The following FAT4 variants were observed in gnomAD, a reference collection of about 807,000 sequenced individuals.
FAT4 encodes protocadherin Fat 4.
Under a neutral mutation model 303.9 loss-of-function variants are expected in FAT4, and 84 were observed. The observed-to-expected ratio is 0.28, with a 90% CI of 0.23 to 0.33. The LOEUF is 0.33. Among genes scored for constraint, FAT4 ranks in the 10% least tolerant of loss-of-function variants. The pLI is 1.00. For synonymous variants in FAT4, 2,307 were observed against 2,298.8 expected, an observed-to-expected ratio of 1.00 and a Z score of -0.10; for missense variants, 6,005 against 6,146.8, an observed-to-expected ratio of 0.98 and a Z score of 0.77.
intron 7 of FAT4, among the ~76,000 whole-genome samples, chr4:125,428,659 T>C (rs1725180996): frequency 6.6e-6 from 1 of 152,214 alleles, no homozygotes; most frequent in South Asian, 2.1e-4. Flanking sequence ...GTTATATTTA[T>C]GTTTATATGA....
chr4:125,471,025 G>A (rs541357801), intron 12 of FAT4, among the ~76,000 whole-genome samples: 3 of 152,246 alleles, frequency 2.0e-5, no homozygotes, highest in South Asian at 2.1e-4. Flanking sequence ...AGGGTTATTC[G>A]TTGGCATAAT....
At chr4:125,425,033 C>T (rs981536079) in intron 7 of FAT4, among the ~76,000 whole-genome samples, 26 of 152,086 alleles carry the variant, frequency 1.7e-4, no homozygotes, top group Middle Eastern at 3.4e-3. Flanking sequence ...TGAGATGTCA[C>T]GTAGAAAGTT....
At chr4:125,390,434 A>G (rs966760737) in intron 2 of FAT4, among the ~76,000 whole-genome samples, 2 of 152,180 alleles carry the variant, frequency 1.3e-5, no homozygotes, top group Non-Finnish European at 1.5e-5. Flanking sequence ...TGATGGTTGT[A>G]CTGATATTGG....
At chr4:125,401,482 A>G (rs762262236) in intron 3 of FAT4, among the ~76,000 whole-genome samples, 11 of 151,898 alleles carry the variant, frequency 7.2e-5, no homozygotes, top group Non-Finnish European at 1.5e-4. Flanking sequence ...ACTCGAGATT[A>G]TGTAGGTCAT....
At chr4:125,435,651 G>T (rs921343430) in intron 8 of FAT4, among the ~76,000 whole-genome samples, 1 of 152,134 alleles carries the variant, frequency 6.6e-6, no homozygotes, top group South Asian at 2.1e-4. Flanking sequence ...AATTAATCTC[G>T]TTGTTTTATC....
At chr4:125,402,927 T>G (rs1297405848) in intron 3 of FAT4, among the ~76,000 whole-genome samples, 1 of 152,038 alleles carries the variant, frequency 6.6e-6, no homozygotes, top group Non-Finnish European at 1.5e-5. Context: ...TCAACATTTC[T>G]AGCACTACTT....
At chr4:125,322,594 T>C (rs1054819087) in intron 2 of FAT4, among the ~76,000 whole-genome samples, 3 of 152,130 alleles carry the variant, frequency 2.0e-5, no homozygotes, top group Non-Finnish European at 2.9e-5. Context: ...ACATCAAATG[T>C]GGTTTGTGAT....
chr4:125,481,805 T>TC, intron 16 of FAT4, 67 bp downstream of exon 16: 2 of 1,353,656 alleles, frequency 1.5e-6, no homozygotes, highest in South Asian at 2.4e-5. Context: ...TTAAATCACT[T>TC]CCCCCATAAT....
rs1730561946 is a variant in FAT4, at chr4:125,315,902, G to C, written c.-88G>C. Among the ~76,000 whole-genome samples the C allele has an allele frequency of 6.6e-6, 1 of 152,144 alleles. No individual in the cohort carries two copies. The highest frequency in any genetic ancestry group is 2.4e-5 in the African/African-American group (1 of 41,452). ...TTGGGAAAGAAATTCGATTCTCCCG[G>C]TTCCCCACCACCCCTTCCCCGGTGC... On this transcript the variant is annotated 5_prime_UTR_variant, in exon 1 of 18. Transcript: ENST00000394329.
At chr4:125,442,222 T>C (rs773721226) in intron 8 of FAT4, among the ~76,000 whole-genome samples, 21 of 152,186 alleles carry the variant, frequency 1.4e-4, no homozygotes, top group Non-Finnish European at 2.4e-4. Context: ...GAGGAAGCTT[T>C]ATTTTAATCA....
chr4:125,333,230 A>G (rs1443165158), intron 2 of FAT4, among the ~76,000 whole-genome samples: 1 of 152,044 alleles, frequency 6.6e-6, no homozygotes, highest in Non-Finnish European at 1.5e-5. Flanking sequence ...CAGATATGTA[A>G]GTCATGGTGC....
At chr4:125,423,236 CT>C (rs1445898320) in intron 7 of FAT4, among the ~76,000 whole-genome samples, 5 of 152,156 alleles carry the variant, frequency 3.3e-5, no homozygotes, top group African/African-American at 1.2e-4. Flanking sequence ...GGAAAAATGT[CT>C]CCAAGGCATG....
chr4:125,322,837 G>A (rs1161025706), intron 2 of FAT4, among the ~76,000 whole-genome samples: 2 of 151,868 alleles, frequency 1.3e-5, no homozygotes, highest in African/African-American at 2.4e-5. Context: ...ATATTAATTA[G>A]AGATATAATT....
intron 8 of FAT4, among the ~76,000 whole-genome samples, chr4:125,443,495 G>C (rs1220077340): frequency 6.6e-6 from 1 of 151,134 alleles, no homozygotes; most frequent in Non-Finnish European, 1.5e-5. Flanking sequence ...TCAAACTCTA[G>C]ATCTGCTATT....
intron 2 of FAT4, among the ~76,000 whole-genome samples, chr4:125,368,792 G>A (rs1277275521): frequency 6.6e-6 from 1 of 151,756 alleles, no homozygotes; most frequent in Non-Finnish European, 1.5e-5. Flanking sequence ...AGCCTGCCGA[G>A]GAATTCTTAC....
chr4:125,428,220 C>A (rs1725156653), intron 7 of FAT4, among the ~76,000 whole-genome samples: 1 of 152,050 alleles, frequency 6.6e-6, no homozygotes, highest in Non-Finnish European at 1.5e-5. Flanking sequence ...ATCGCTTGAA[C>A]CCGGGAGGCG....
rs765049078 is a variant in FAT4, at chr4:125,477,117, T to G, written c.12300-38T>G. 7 of 1,303,728 alleles carry G rather than the reference T, an allele frequency of 5.4e-6. No individual in the cohort carries two copies. In the African/African-American group the frequency reaches 7.6e-5, roughly 14 times the overall value. 80.8% of individuals were successfully genotyped at this position (1,303,728 alleles called of 1,614,324 possible). The stretch of plus-strand genomic sequence containing the variant: ...AAACATTATACTAAAAATGTAATCT[T>G]TTGACACTAATATTTATATCTTCCA... On this transcript the variant is annotated intron_variant, in intron 13 of 17. Transcript: ENST00000394329.
chr4:125,415,178 C>T lies in FAT4; in HGVS notation c.6215C>T (p.Ala2072Val). The change falls in exon 6 of 18, where the codon GCT becomes GTT. Residue 2072 changes from alanine to valine, a missense_variant. By Grantham distance (64) the Ala-to-Val change is moderately conservative (BLOSUM62 0). Transcript: ENST00000394329. Reference protein sequence around the residue: ...NTPIDTVVFKAQATDPDSGPN... With the variant: ...NTPIDTVVFKVQATDPDSGPN... ...CCTATTGATACTGTTGTTTTCAAAGCTCAAGCAACTGACCCAGATAGTGGC... is the reference window on the plus strand; with the variant it reads ...CCTATTGATACTGTTGTTTTCAAAGTTCAAGCAACTGACCCAGATAGTGGC... 1 of 1,614,102 alleles carries T rather than the reference C, an allele frequency of 6.2e-7. No homozygotes were observed. The highest frequency in any genetic ancestry group is 8.5e-7 in the Non-Finnish European group (1 of 1,179,976).
intron 16 of FAT4, among the ~76,000 whole-genome samples, chr4:125,484,706 A>G (rs867759835): frequency 5.9e-5 from 9 of 152,158 alleles, no homozygotes; most frequent in Non-Finnish European, 1.0e-4. Context: ...GGAATAGTCT[A>G]TTGCTCCTGT....
Sources: gnomAD v4.1 joint callset for allele counts (sites outside exome capture counted in the v4.1 genomes callset) on GRCh38, gnomAD v4.1.1 for gene constraint, MANE v1.5 for transcripts, NCBI Gene and HGNC (gene_info 2026-07-23, HGNC 2026-07-21) for gene names.